DCBLD2: variants seen among roughly 807,000 people sequenced by gnomAD.
DCBLD2 encodes discoidin, CUB and LCCL domain containing 2.
In DCBLD2, 54 loss-of-function variants were observed where a neutral mutation model predicts 86.8. The ratio of observed to expected loss-of-function variants is 0.62; its 90% CI spans 0.50 to 0.78. DCBLD2 has a LOEUF of 0.78. Among genes scored for constraint, DCBLD2 ranks in the 30% least tolerant of loss-of-function variants. The probability of loss-of-function intolerance (pLI) is 0.00; values close to 1 mark genes in which losing one functional copy is unlikely to be tolerated. For missense variants in DCBLD2, 908 were observed against 954.2 expected, an observed-to-expected ratio of 0.95 and a Z score of 0.64; for synonymous variants, 354 against 341.3, an observed-to-expected ratio of 1.04 and a Z score of -0.41.
At chr3:98,877,263 G>A (rs1163058263) in intron 2 of DCBLD2, among the ~76,000 whole-genome samples, 3 of 152,188 alleles carry the variant, frequency 2.0e-5, no homozygotes, top group Non-Finnish European at 4.4e-5. Context: ...TAACCACATT[G>A]AAGGGCAGGT....
chr3:98,882,001 A>G (rs1183345151), intron 1 of DCBLD2, among the ~76,000 whole-genome samples: 1 of 152,200 alleles, frequency 6.6e-6, no homozygotes, highest in East Asian at 1.9e-4. Flanking sequence ...CAAATGCATC[A>G]TCTCAAACAT....
Position 98,881,756 on chromosome 3 carries a change from C to T in DCBLD2, c.217G>A (p.Gly73Arg), listed in dbSNP as rs1445782368. 1.9e-6 allele frequency: 3 copies of T among 1,604,314 alleles called. No individual in the cohort carries two copies. Among genetic ancestry groups the T allele is most frequent in the African/African-American group, 1.3e-5 (1 of 74,708 alleles). ...CTCTCAGGGCCTAGTACAGTGTGTC[C>T]ACATCCATCACCTTTAAAAAAAGTG... is the stretch of plus-strand genomic sequence containing the variant. ...DAGAQQGDGC[G>R]HTVLGPESGT... Residue 73 changes from glycine (G) to arginine (R), a missense_variant, in exon 2 of 16, where the codon GGA (glycine) becomes AGA (arginine). Physicochemically the swap from Gly to Arg is moderately radical, Grantham distance 125 (BLOSUM62 -2). Coordinates refer to ENST00000326840, the MANE Select transcript of DCBLD2 (RefSeq NM_080927.4).
intron 1 of DCBLD2, among the ~76,000 whole-genome samples, chr3:98,889,260 G>A (rs1248612709): frequency 1.3e-5 from 2 of 152,036 alleles, no homozygotes; most frequent in Non-Finnish European, 2.9e-5. Flanking sequence ...GATAGTAATG[G>A]GTTCCAGCCT....
In DCBLD2 at chr3:98,832,036, G is replaced by T. The variant is rs150078971; in HGVS notation, c.572-6670C>A. 2.2e-4 allele frequency among the ~76,000 whole-genome samples: 34 copies of T among 152,264 alleles called. 1 individual carries two copies. The highest frequency in any genetic ancestry group is 8.2e-4 in the African/African-American group (34 of 41,558). On this transcript the variant is annotated intron_variant, in intron 3 of 15. Transcript: ENST00000326840. ...AGATGATCTGTCTAATACTGTCAGTGGAGTGTTAAAGTCTCCCACTATTAT... is the reference window on the plus strand; with the variant it reads ...AGATGATCTGTCTAATACTGTCAGTTGAGTGTTAAAGTCTCCCACTATTAT...
At chr3:98,818,560 G>A (rs995300736) in intron 8 of DCBLD2, among the ~76,000 whole-genome samples, 1 of 152,220 alleles carries the variant, frequency 6.6e-6, no homozygotes, top group Non-Finnish European at 1.5e-5. Flanking sequence ...GTTCCCAGGT[G>A]TGTCTGTGAG....
rs893305980 is a variant in DCBLD2 at position 98,797,996 on chromosome 3, G to A, written c.*1376C>T. The A allele has an allele frequency of 1.1e-4, 17 of 152,082 alleles. No individual in the cohort carries two copies. The highest frequency in any genetic ancestry group is 4.1e-4 in the African/African-American group (17 of 41,396). 9.4% of individuals were successfully genotyped at this position (152,082 alleles called of 1,614,324 possible). ...TGACAGTCTGAAGGCTTTAAAAGAT[G>A]GTTTTACATTGTTAGCTAATAAATT... On this transcript the variant is annotated 3_prime_UTR_variant, in exon 16 of 16. Coordinates refer to ENST00000326840, the MANE Select transcript of DCBLD2 (RefSeq NM_080927.4).
intron 2 of DCBLD2, among the ~76,000 whole-genome samples, chr3:98,864,234 G>A (rs562104855): frequency 2.6e-5 from 4 of 152,326 alleles, no homozygotes; most frequent in African/African-American, 7.2e-5. Context: ...GGAGAAATAG[G>A]AACACTTTTA....
chr3:98,804,276 A>G (rs1476654878), intron 13 of DCBLD2, among the ~76,000 whole-genome samples: 1 of 152,076 alleles, frequency 6.6e-6, no homozygotes, highest in Admixed American at 6.5e-5. Flanking sequence ...TAGTCTTGGG[A>G]GGGTGTATGT....
At chr3:98,822,544 T>C in intron 5 of DCBLD2, 125 bp downstream of exon 5, 1 of 1,235,026 alleles carries the variant, frequency 8.1e-7, no homozygotes. Flanking sequence ...AAAACACATA[T>C]GATTAAAAAA....
chr3:98,806,611 A>C (rs1301646322), intron 13 of DCBLD2, among the ~76,000 whole-genome samples: 1 of 152,076 alleles, frequency 6.6e-6, no homozygotes, highest in African/African-American at 2.4e-5. Flanking sequence ...TCCGTTCCTA[A>C]TCTGTAAGCT....
chr3:98,824,574 G>C (rs937955855), intron 4 of DCBLD2, among the ~76,000 whole-genome samples: 7 of 152,068 alleles, frequency 4.6e-5, no homozygotes, highest in African/African-American at 1.7e-4. Context: ...GATGGCTCTT[G>C]AAAGATGAGA....
In DCBLD2 at chr3:98,901,072, G is replaced by A. The variant is rs756783525; in HGVS notation, c.205+50C>T. The A allele has an allele frequency of 2.0e-6, 3 of 1,535,772 alleles. No individual in the cohort carries two copies. In the South Asian group the frequency reaches 3.6e-5, roughly 18 times the overall value. On this transcript the variant is annotated intron_variant, in intron 1 of 15. Transcript: ENST00000326840. ...GATTTGTTCAGGGGCCAAGAGACCC[G>A]CAGCCCCGACGGAGGTTCCCCCGCC...
rs1210883998 is a variant in DCBLD2, at chr3:98,797,498, A to G, written c.*1874T>C. On this transcript the variant is annotated 3_prime_UTR_variant, in exon 16 of 16. Transcript: ENST00000326840. ...AAATCAACTGGTTTGCTCTCTTCCCACCTGAAAAGGGATGACTGCATTAAT... is the reference window on the plus strand; with the variant it reads ...AAATCAACTGGTTTGCTCTCTTCCCGCCTGAAAAGGGATGACTGCATTAAT... 2 of 152,580 alleles carry G rather than the reference A, an allele frequency of 1.3e-5. No individual in the cohort carries two copies. The highest frequency in any genetic ancestry group is 4.8e-5 in the African/African-American group (2 of 41,460). The allele number at this position is 152,580 out of a possible 1,614,324, so 9.5% of individuals were successfully genotyped here.
intron 2 of DCBLD2, among the ~76,000 whole-genome samples, chr3:98,854,539 G>C (rs1289227054): frequency 2.0e-5 from 3 of 152,140 alleles, no homozygotes; most frequent in Non-Finnish European, 4.4e-5. Flanking sequence ...TGAACAATTA[G>C]ACTATTGGGT....
At chr3:98,880,094 C>T (rs771425259) in intron 2 of DCBLD2, among the ~76,000 whole-genome samples, 1 of 152,162 alleles carries the variant, frequency 6.6e-6, no homozygotes, top group Non-Finnish European at 1.5e-5. Flanking sequence ...TATATTCATG[C>T]AATACGCACG....
At chr3:98,804,136 T>C (rs1941784844) in intron 13 of DCBLD2, among the ~76,000 whole-genome samples, 2 of 152,230 alleles carry the variant, frequency 1.3e-5, no homozygotes, top group African/African-American at 4.8e-5. Context: ...AGCTCCTCCT[T>C]GTACCTCTGG....
chr3:98,821,699 C>A (rs560932105), intron 6 of DCBLD2, among the ~76,000 whole-genome samples: 1 of 152,114 alleles, frequency 6.6e-6, no homozygotes, highest in Non-Finnish European at 1.5e-5. Flanking sequence ...CAAATGACTA[C>A]ATTTTTGAAG....
At chr3:98,870,095 C>T (rs942725788) in intron 2 of DCBLD2, among the ~76,000 whole-genome samples, 3 of 151,586 alleles carry the variant, frequency 2.0e-5, no homozygotes, top group Non-Finnish European at 4.4e-5. Context: ...AGTCTTTAAT[C>T]CATCTTGAGT....
chr3:98,837,842 G>A (rs1345855865), intron 3 of DCBLD2, among the ~76,000 whole-genome samples: 149 of 137,430 alleles, frequency 1.1e-3, no homozygotes, highest in Middle Eastern at 4.0e-3. Flanking sequence ...CCTCCCTCCC[G>A]GACGGGGCGG....
Sources: gnomAD v4.1 joint callset for allele counts (sites outside exome capture counted in the v4.1 genomes callset) on GRCh38, gnomAD v4.1.1 for gene constraint, MANE v1.5 for transcripts, NCBI Gene and HGNC (gene_info 2026-07-23, HGNC 2026-07-21) for gene names.